The following ADAMTSL3 variants were observed in gnomAD, a reference collection of about 807,000 sequenced individuals.
ADAMTSL3 encodes ADAMTS-like protein 3.
Under a neutral mutation model 201.7 loss-of-function variants are expected in ADAMTSL3, and 128 were observed. The observed-to-expected ratio is 0.63, with a 90% CI of 0.55 to 0.73. The LOEUF (loss-of-function observed/expected upper bound fraction) is 0.73, where lower values mean the gene tolerates loss of function less well. ADAMTSL3 is among the 30% of genes least tolerant of loss of function. The pLI is 0.00. For missense variants in ADAMTSL3, 1,990 were observed against 2,119.6 expected (o/e 0.94, Z 1.20); for synonymous variants, 738 against 748.4 (o/e 0.99, Z 0.23).
rs183754875 is a variant in ADAMTSL3, at chr15:84,000,429, A to C, written c.3973+9215A>C. 4.6e-5 allele frequency among the ~76,000 whole-genome samples: 7 copies of C among 152,196 alleles called. No individual in the cohort carries two copies. The East Asian group carries it at 1.4e-3, about 29-fold the overall frequency. ...AGAAATCTTCCCACTATCCTCTCTT[A>C]ACCCTATATTCAGTCAAACAGCCAA... On this transcript the variant is annotated intron_variant, in intron 23 of 29. Transcript: ENST00000286744.
intron 2 of ADAMTSL3, among the ~76,000 whole-genome samples, chr15:83,665,071 C>G (rs1397205016): frequency 6.6e-6 from 1 of 152,146 alleles, no homozygotes; most frequent in Non-Finnish European, 1.5e-5. Flanking sequence ...TGGGAGACCT[C>G]TTCTAGGCGG....
intron 26 of ADAMTSL3, among the ~76,000 whole-genome samples, chr15:84,023,875 C>A (rs976049335): frequency 2.6e-5 from 4 of 152,164 alleles, no homozygotes; most frequent in African/African-American, 9.7e-5. Context: ...CGTCTCAGAA[C>A]CAGGTTTTTG....
intron 23 of ADAMTSL3, 62 bp from the exon 24 acceptor site, chr15:84,014,480 A>G (rs899430787): frequency 5.5e-6 from 8 of 1,455,272 alleles, no homozygotes; most frequent in Admixed American, 1.8e-5. Context: ...GTATTTGTCA[A>G]GTGGTTCTGT....
chr15:83,768,563 G>C (rs796817182), intron 3 of ADAMTSL3, among the ~76,000 whole-genome samples: 3 of 152,304 alleles, frequency 2.0e-5, no homozygotes, highest in African/African-American at 7.2e-5. Context: ...AGTTGCAAAG[G>C]ATCTGGGAAC....
rs995923806 is a variant in ADAMTSL3 at position 83,982,708 on chromosome 15, G to T, written c.3080G>T (p.Gly1027Val). The T allele has an allele frequency of 1.2e-6, 2 of 1,613,942 alleles. No homozygotes were observed. The highest frequency in any genetic ancestry group is 1.3e-5 in the African/African-American group (1 of 74,898). The change falls in exon 21 of 30, where the codon GGA becomes GTA. Residue 1027 changes from glycine (G) to valine (V), a missense_variant. Transcript: ENST00000286744. ...GMDHSEANSL[G>V]VTWHKMRQMW... The stretch of plus-strand genomic sequence containing the variant: ...GACCACAGCGAAGCCAATAGTTTGG[G>T]AGTCACATGGCACAAAATGAGGCAA...
At chr15:83,883,695 G>A (rs1018940500) in intron 9 of ADAMTSL3, among the ~76,000 whole-genome samples, 1 of 151,576 alleles carries the variant, frequency 6.6e-6, no homozygotes, top group African/African-American at 2.4e-5. Flanking sequence ...AGCTATAGCT[G>A]GGACTACAGG....
rs754891424 is a variant in ADAMTSL3, at chr15:83,668,413, C to T, written c.69+12583C>T. On this transcript the variant is annotated intron_variant, in intron 2 of 29. Coordinates refer to ENST00000286744, the MANE Select transcript of ADAMTSL3 (RefSeq NM_207517.3). Reference sequence around the variant, plus strand: ...CTCTTTTTTTTTTCTCACTTTGACACTATACCTACATGATTTCTTCCTTAT... The same window carrying T: ...CTCTTTTTTTTTTCTCACTTTGACATTATACCTACATGATTTCTTCCTTAT... 7.5e-4 allele frequency among the ~76,000 whole-genome samples: 113 copies of T among 151,172 alleles called. 1 individual carries two copies. Among genetic ancestry groups the T allele is most frequent in the Non-Finnish European group, 1.2e-3 (84 of 67,920 alleles).
intron 4 of ADAMTSL3, among the ~76,000 whole-genome samples, chr15:83,801,497 G>A (rs1005191764): frequency 6.6e-6 from 1 of 150,696 alleles, no homozygotes; most frequent in African/African-American, 2.4e-5. Context: ...AAAAAGAGTG[G>A]AAGTTAATAT....
At chr15:83,661,093 G>T (rs1375403149) in intron 2 of ADAMTSL3, among the ~76,000 whole-genome samples, 2 of 147,204 alleles carry the variant, frequency 1.4e-5, no homozygotes, top group East Asian at 2.0e-4. Flanking sequence ...GATAGTTGTA[G>T]ATATGTGGCG....
intron 6 of ADAMTSL3, among the ~76,000 whole-genome samples, chr15:83,830,960 A>C (rs1220387338): frequency 6.6e-6 from 1 of 151,826 alleles, no homozygotes; most frequent in Non-Finnish European, 1.5e-5. Flanking sequence ...TATGTTGCCA[A>C]GTGGGTGGGT....
chr15:83,823,948 TCTTCTTCTTCTTCTTCTTCTTCTTCTC>T (rs1435890846), intron 6 of ADAMTSL3, among the ~76,000 whole-genome samples: 2,392 of 80,196 alleles, frequency 0.03, 92 homozygotes, highest in Middle Eastern at 0.05. Context: ...TTCTTCTTCT[TCTTCTTCTTCTTCTTCTTCTTCTTCTC>T]CTCCTCCTCC....
intron 2 of ADAMTSL3, among the ~76,000 whole-genome samples, chr15:83,664,754 A>G (rs892306566): frequency 4.6e-5 from 7 of 152,164 alleles, no homozygotes; most frequent in Admixed American, 1.3e-4. Flanking sequence ...CCAAGGCAGG[A>G]GGATTAGTTG....
At chr15:84,008,243 G>A (rs2067932059) in intron 23 of ADAMTSL3, among the ~76,000 whole-genome samples, 1 of 152,016 alleles carries the variant, frequency 6.6e-6, no homozygotes, top group African/African-American at 2.4e-5. Flanking sequence ...CCGAGAAGCT[G>A]GGATTACAGG....
At chr15:83,698,888 A>C (rs2061725981) in intron 2 of ADAMTSL3, among the ~76,000 whole-genome samples, 1 of 152,040 alleles carries the variant, frequency 6.6e-6, no homozygotes, top group Non-Finnish European at 1.5e-5. Flanking sequence ...ACACTTGACT[A>C]TTCTGTTTGA....
At chr15:83,702,684 C>T (rs779019530) in intron 2 of ADAMTSL3, among the ~76,000 whole-genome samples, 6 of 152,192 alleles carry the variant, frequency 3.9e-5, no homozygotes, top group Non-Finnish European at 8.8e-5. Context: ...GTTTGGGAAC[C>T]TCTGCCCAGA....
At chr15:83,830,483 G>A (rs1236304082) in intron 6 of ADAMTSL3, among the ~76,000 whole-genome samples, 1 of 152,172 alleles carries the variant, frequency 6.6e-6, no homozygotes, top group East Asian at 1.9e-4. Context: ...GTTAGCAGTG[G>A]CACATACTTC....
chr15:83,963,423 T>G (rs1006979761), intron 19 of ADAMTSL3, among the ~76,000 whole-genome samples: 1 of 152,170 alleles, frequency 6.6e-6, no homozygotes. Flanking sequence ...CCACCACAGC[T>G]TGGCAAAGCC....
intron 3 of ADAMTSL3, among the ~76,000 whole-genome samples, chr15:83,729,550 T>G (rs1213531311): frequency 4.6e-5 from 7 of 152,050 alleles, no homozygotes; most frequent in Non-Finnish European, 8.8e-5. Flanking sequence ...TTCTGATGCA[T>G]TCTTCTATTT....
At chr15:83,759,473 C>A (rs1170746987) in intron 3 of ADAMTSL3, among the ~76,000 whole-genome samples, 1 of 152,176 alleles carries the variant, frequency 6.6e-6, no homozygotes, top group Non-Finnish European at 1.5e-5. Flanking sequence ...GATCCGCCTG[C>A]CTTGGCCTCC....
Sources: allele counts gnomAD v4.1 joint callset (sites outside exome capture counted in the v4.1 genomes callset), GRCh38; gene constraint gnomAD v4.1.1; transcripts MANE v1.5; gene names NCBI Gene and HGNC (gene_info 2026-07-23, HGNC 2026-07-21).